Variants in RALGAPA1 observed in about 807,000 individuals in gnomAD.
RALGAPA1 encodes the protein ral GTPase-activating protein subunit alpha-1.
RALGAPA1 carries 52 observed loss-of-function variants against 269.6 expected under a neutral mutation model. The observed-to-expected ratio is 0.19, with a 90% CI of 0.15 to 0.24. The LOEUF is 0.24. Among genes scored for constraint, RALGAPA1 ranks in the 10% least tolerant of loss-of-function variants. The pLI, the probability that RALGAPA1 is intolerant of heterozygous loss-of-function variation, is 1.00. For missense variants in RALGAPA1, 1,917 were observed against 3,013.9 expected (o/e 0.64, Z 8.52); for synonymous variants, 817 against 1,008.3 (o/e 0.81, Z 3.60).
chr14:35,610,485 T>C lies in RALGAPA1; in HGVS notation c.6930-4776A>G, dbSNP rs1390197744. On this transcript the variant is annotated intron_variant, in intron 35 of 41. Coordinates refer to ENST00000680220, the MANE Select transcript of RALGAPA1 (RefSeq NM_001346249.2). ...TTTTAGTACAGATGGGGTTTCACCGTGTTAGCCAGGATGGTTTTGATCTCC... is the reference window on the plus strand; with the variant it reads ...TTTTAGTACAGATGGGGTTTCACCGCGTTAGCCAGGATGGTTTTGATCTCC... Among the ~76,000 whole-genome samples, 8 of 152,098 alleles carry C rather than the reference T, an allele frequency of 5.3e-5. 1 individual carries two copies. Among genetic ancestry groups the C allele is most frequent in the Admixed American group, 5.2e-4 (8 of 15,258 alleles).
chr14:35,686,504 C>A, intron 19 of RALGAPA1, 38 bp downstream of exon 19: 1 of 1,542,956 alleles, frequency 6.5e-7, no homozygotes, highest in Non-Finnish European at 8.7e-7. Flanking sequence ...GTTTTTCTAC[C>A]CTCCTCTATA....
Position 35,625,353 on chromosome 14 carries a change from C to T in RALGAPA1, c.6929+8G>A. 6.2e-7 allele frequency: 1 copy of T among 1,600,898 alleles called. No individual in the cohort carries two copies. Among genetic ancestry groups the T allele is most frequent in the Non-Finnish European group, 8.5e-7 (1 of 1,173,964 alleles). ...TGCTAGTTATGTGAAGATTTTCCAA[C>T]AACTTACCACTGCCTTGAATCCAAG... is the stretch of plus-strand genomic sequence containing the variant. On this transcript the variant is annotated splice_region_variant and intron_variant, in intron 35 of 41. Coordinates refer to ENST00000680220, the MANE Select transcript of RALGAPA1 (RefSeq NM_001346249.2).
At chr14:35,743,759 C>T (rs1191095616) in intron 10 of RALGAPA1, among the ~76,000 whole-genome samples, 1 of 151,916 alleles carries the variant, frequency 6.6e-6, no homozygotes, top group East Asian at 1.9e-4. Flanking sequence ...GGTACCTCAC[C>T]TTTTCTAAGC....
rs751829348 is a variant in RALGAPA1 at position 35,655,934 on chromosome 14, A to G, written c.5388-19T>C. On this transcript the variant is annotated intron_variant, in intron 28 of 41. Transcript: ENST00000680220. ...TACACATCTGCAAAAAAGGCAAACAACAACGGTTACATAAAATGAAACCAC... is the reference window on the plus strand; with the variant it reads ...TACACATCTGCAAAAAAGGCAAACAGCAACGGTTACATAAAATGAAACCAC... The G allele has an allele frequency of 1.9e-6, 3 of 1,612,800 alleles. No homozygotes were observed. The East Asian group carries it at 6.7e-5, about 36-fold the overall frequency.
chr14:35,556,788 T>A (rs1251187874), intron 39 of RALGAPA1, among the ~76,000 whole-genome samples: 1 of 152,192 alleles, frequency 6.6e-6, no homozygotes, highest in Admixed American at 6.5e-5. Context: ...GGCTGCCAGA[T>A]GACTCAAAAT....
At chr14:35,544,421 A>C (rs2054276637) in intron 41 of RALGAPA1, among the ~76,000 whole-genome samples, 2 of 152,232 alleles carry the variant, frequency 1.3e-5, no homozygotes, top group Admixed American at 1.3e-4. Context: ...TACTAGCTTG[A>C]CAAAGTACCA....
In RALGAPA1 at chr14:35,683,912, A is replaced by C; in HGVS notation, c.4368T>G (p.Ser1456Arg). Residue 1456 changes from serine (S) to arginine (R), a missense_variant, in exon 21 of 42, where the codon AGT becomes AGG. Coordinates refer to ENST00000680220, the MANE Select transcript of RALGAPA1 (RefSeq NM_001346249.2). ...DVDSGSGHHQ[S>R]AEEQEVASLT... ...GACTAGCCACTTCCTGCTCTTCAGC[A>C]CTCTGATGATGGCCAGAACCTGAAT... 1.4e-5 allele frequency: 23 copies of C among 1,613,518 alleles called. No individual in the cohort carries two copies. Among genetic ancestry groups the C allele is most frequent in the Non-Finnish European group, 1.9e-5 (23 of 1,179,634 alleles).
At chr14:35,605,306 A>G (rs571480784) in intron 36 of RALGAPA1, among the ~76,000 whole-genome samples, 14 of 152,266 alleles carry the variant, frequency 9.2e-5, no homozygotes, top group African/African-American at 3.4e-4. Context: ...GAAGACCACC[A>G]GTCCAGTGGT....
At chr14:35,683,719 G>A (rs961057318) in intron 21 of RALGAPA1, 90 bp downstream of exon 21, 22 of 949,534 alleles carry the variant, frequency 2.3e-5, no homozygotes, top group Non-Finnish European at 3.4e-5. Flanking sequence ...ATAGTAATAA[G>A]TAATACTTAA....
At chr14:35,747,885 C>CT (rs1441982069) in intron 10 of RALGAPA1, among the ~76,000 whole-genome samples, 2 of 151,738 alleles carry the variant, frequency 1.3e-5, no homozygotes, top group Non-Finnish European at 2.9e-5. Context: ...GCTTTTTGTT[C>CT]TTTTATTTTC....
In RALGAPA1 at chr14:35,748,689, G is replaced by C. The variant is rs145415708; in HGVS notation, c.1147C>G (p.Leu383Val). ...AGATGTTCTTCATCAATACTACAGA[G>C]ACTAGATGAGCTAGGTTCTCGCTCC... is the stretch of plus-strand genomic sequence containing the variant. ...LTEREPSSSS[L>V]CSIDEEHLTD... Residue 383 changes from leucine to valine, a missense_variant, in exon 10 of 42, where the codon CTC (leucine) becomes GTC (valine). By Grantham distance (32) the Leu-to-Val change is conservative (BLOSUM62 1). Coordinates refer to ENST00000680220, the MANE Select transcript of RALGAPA1 (RefSeq NM_001346249.2). The C allele has an allele frequency of 2.1e-5, 34 of 1,613,328 alleles. No individual in the cohort carries two copies. Among genetic ancestry groups the C allele is most frequent in the Non-Finnish European group, 2.9e-5 (34 of 1,179,830 alleles).
chr14:35,672,457 T>G (rs546160513), intron 25 of RALGAPA1, among the ~76,000 whole-genome samples: 6 of 152,196 alleles, frequency 3.9e-5, no homozygotes, highest in African/African-American at 1.2e-4. Context: ...TGTGATGTGC[T>G]GATTCTTAGA....
At chr14:35,806,974 C>A (rs2077424580) in intron 1 of RALGAPA1, among the ~76,000 whole-genome samples, 1 of 152,126 alleles carries the variant, frequency 6.6e-6, no homozygotes, top group South Asian at 2.1e-4. Flanking sequence ...CTAAGTCCTA[C>A]AAAATGCCTT....
At chr14:35,731,145 C>T (rs1030878203) in intron 12 of RALGAPA1, among the ~76,000 whole-genome samples, 6 of 152,142 alleles carry the variant, frequency 3.9e-5, no homozygotes, top group Non-Finnish European at 8.8e-5. Context: ...ACAATCACTG[C>T]GGTTCAGCTC....
intron 39 of RALGAPA1, among the ~76,000 whole-genome samples, chr14:35,569,443 ATTAG>A (rs1388584832): frequency 1.3e-5 from 2 of 152,228 alleles, no homozygotes; most frequent in African/African-American, 4.8e-5. Context: ...TTGACTCATT[ATTAG>A]TTGTCATAAC....
intron 37 of RALGAPA1, among the ~76,000 whole-genome samples, chr14:35,579,847 T>G (rs2057837932): frequency 6.6e-6 from 1 of 152,198 alleles, no homozygotes; most frequent in African/African-American, 2.4e-5. Context: ...CAGCACTTAT[T>G]AACTATAATC....
At chr14:35,766,138 C>A in intron 4 of RALGAPA1, 1 of 936,400 alleles carries the variant, frequency 1.1e-6, no homozygotes, top group Non-Finnish European at 1.8e-6. Context: ...AATCCTGCTG[C>A]CTACTGTGGG....
At chr14:35,650,363 T>C (rs1419424782) in intron 31 of RALGAPA1, among the ~76,000 whole-genome samples, 1 of 152,008 alleles carries the variant, frequency 6.6e-6, no homozygotes, top group Non-Finnish European at 1.5e-5. Context: ...CCAGCTTGGG[T>C]GACAGAGTGA....
intron 35 of RALGAPA1, among the ~76,000 whole-genome samples, chr14:35,617,629 G>T (rs2060336259): frequency 1.3e-5 from 1 of 79,182 alleles, no homozygotes; most frequent in African/African-American, 6.0e-5. Flanking sequence ...GTGTGTGTGT[G>T]TGTGGGGTGG....
Sources: allele counts gnomAD v4.1 joint callset (sites outside exome capture counted in the v4.1 genomes callset), GRCh38; gene constraint gnomAD v4.1.1; transcripts MANE v1.5; gene names NCBI Gene and HGNC (gene_info 2026-07-23, HGNC 2026-07-21).